WWOX: variants seen among roughly 807,000 people sequenced by gnomAD.
The protein encoded by WWOX is WW domain-containing oxidoreductase.
In WWOX, 69 loss-of-function variants were observed where a neutral mutation model predicts 46.2. The ratio of observed to expected loss-of-function variants is 1.49; its 90% CI spans 1.23 to 1.82. WWOX has a LOEUF of 1.82. Among genes scored for constraint, WWOX ranks in the 40% most tolerant of loss-of-function variants. The pLI is 0.00. For missense variants in WWOX, 919 were observed against 542.6 expected (o/e 1.69, Z -6.89); for synonymous variants, 359 against 202.6 (o/e 1.77, Z -6.56).
At chr16:78,873,378 A>AT (rs201022390) in intron 8 of WWOX, 30 of 150,502 alleles carry the variant, frequency 2.0e-4, no homozygotes, top group Non-Finnish European at 3.3e-4. Context: ...CCTTATGCTG[A>AT]TTTTTTTTTT....
chr16:78,712,489 A>T (rs997908833), intron 8 of WWOX, among the ~76,000 whole-genome samples: 1 of 151,662 alleles, frequency 6.6e-6, no homozygotes, highest in African/African-American at 2.4e-5. Context: ...TGACAGAGTG[A>T]GACTCCATCT....
At chr16:78,680,699 A>C (rs1378559933) in intron 8 of WWOX, among the ~76,000 whole-genome samples, 1 of 152,220 alleles carries the variant, frequency 6.6e-6, no homozygotes, top group East Asian at 1.9e-4. Flanking sequence ...AGTGGCTCCC[A>C]CTGTGGGTAG....
Position 78,989,894 on chromosome 16 carries a change from C to G in WWOX, c.1057-221714C>G, listed in dbSNP as rs576793673. Among the ~76,000 whole-genome samples the G allele has an allele frequency of 2.7e-5, 4 of 147,058 alleles. No homozygotes were observed. The South Asian group carries it at 6.6e-4, about 24-fold the overall frequency. On this transcript the variant is annotated intron_variant, in intron 8 of 8. Coordinates refer to ENST00000566780, the MANE Select transcript of WWOX (RefSeq NM_016373.4). ...AGAGACAGATGGAGGGAAAGAGAGG[C>G]GGGGGATTCCAGGTACAGTGGCTCA...
chr16:78,851,702 T>C (rs1224289260), intron 8 of WWOX, among the ~76,000 whole-genome samples: 1 of 152,180 alleles, frequency 6.6e-6, no homozygotes, highest in East Asian at 1.9e-4. Flanking sequence ...ACTCCAAATA[T>C]AAAACAATTT....
At chr16:79,134,697 G>T (rs1053914520) in intron 8 of WWOX, among the ~76,000 whole-genome samples, 2 of 152,172 alleles carry the variant, frequency 1.3e-5, no homozygotes, top group African/African-American at 4.8e-5. Flanking sequence ...TTATAGACAT[G>T]TCATGAAGGG....
chr16:78,586,459 G>T (rs1422887858), intron 8 of WWOX, among the ~76,000 whole-genome samples: 1 of 151,972 alleles, frequency 6.6e-6, no homozygotes, highest in Admixed American at 6.6e-5. Context: ...AATTCTATTT[G>T]TCATCCTCTG....
intron 6 of WWOX, among the ~76,000 whole-genome samples, chr16:78,395,671 GAA>G (rs1301709970): frequency 6.6e-6 from 1 of 152,168 alleles, no homozygotes; most frequent in Non-Finnish European, 1.5e-5. Context: ...AGAGCCAAGA[GAA>G]ATTATTGTTA....
chr16:78,494,175 A>G (rs564161421), intron 8 of WWOX, among the ~76,000 whole-genome samples: 57 of 152,314 alleles, frequency 3.7e-4, no homozygotes, highest in Non-Finnish European at 6.9e-4. Context: ...ATGCTTTTAA[A>G]CAAACAGATC....
intron 8 of WWOX, among the ~76,000 whole-genome samples, chr16:78,635,433 A>G (rs1250779806): frequency 6.6e-6 from 1 of 152,104 alleles, no homozygotes; most frequent in Admixed American, 6.6e-5. Flanking sequence ...GTTGTCCTTG[A>G]CTGGGCAAGA....
At chr16:79,165,441 T>G (rs993976126) in intron 8 of WWOX, among the ~76,000 whole-genome samples, 1 of 152,242 alleles carries the variant, frequency 6.6e-6, no homozygotes, top group Admixed American at 6.5e-5. Context: ...GGTAGCATAT[T>G]GCTTCATAAA....
At chr16:78,189,220 A>C (rs899932157) in intron 5 of WWOX, among the ~76,000 whole-genome samples, 1 of 152,158 alleles carries the variant, frequency 6.6e-6, no homozygotes, top group East Asian at 1.9e-4. Context: ...GGCATGGGGC[A>C]CATTGTGACA....
At chr16:79,192,953 C>T (rs2051166276) in intron 8 of WWOX, among the ~76,000 whole-genome samples, 1 of 152,182 alleles carries the variant, frequency 6.6e-6, no homozygotes, top group Non-Finnish European at 1.5e-5. Flanking sequence ...AAGGAAGGGC[C>T]TCGTTTTACT....
chr16:78,521,258 T>C (rs946947384), intron 8 of WWOX, among the ~76,000 whole-genome samples: 1 of 152,202 alleles, frequency 6.6e-6, no homozygotes. Context: ...GATCTTGCTG[T>C]GTTGCCCAGG....
At chr16:79,174,005 T>G (rs962019859) in intron 8 of WWOX, among the ~76,000 whole-genome samples, 1 of 152,208 alleles carries the variant, frequency 6.6e-6, no homozygotes, top group Non-Finnish European at 1.5e-5. Flanking sequence ...TGGCAGCTTA[T>G]AAACTGGCAG....
In WWOX at chr16:78,101,082, C is replaced by G. The variant is rs529000719; in HGVS notation, c.107+1197C>G. 2.0e-5 allele frequency among the ~76,000 whole-genome samples: 3 copies of G among 151,384 alleles called. No individual in the cohort carries two copies. The East Asian group carries it at 5.8e-4, about 30-fold the overall frequency. ...TTTTCTTTTGAGACGGAGTCTTGCT[C>G]TGTCGCCCAGGCTGGAGTGCAGCGG... On this transcript the variant is annotated intron_variant, in intron 1 of 8. Transcript: ENST00000566780.
At chr16:78,559,061 A>C (rs998019805) in intron 8 of WWOX, among the ~76,000 whole-genome samples, 1 of 152,228 alleles carries the variant, frequency 6.6e-6, no homozygotes, top group South Asian at 2.1e-4. Context: ...GGAAGGACAC[A>C]TAGTTCCGTC....
chr16:78,432,294 T>A (rs1015792470), intron 7 of WWOX, among the ~76,000 whole-genome samples, 194 bp from the exon 8 acceptor site: 1 of 152,050 alleles, frequency 6.6e-6, no homozygotes, highest in Non-Finnish European at 1.5e-5. Flanking sequence ...TTAGTAGAGA[T>A]GGCATTTTGC....
chr16:78,255,977 C>G (rs1255623588), intron 5 of WWOX, among the ~76,000 whole-genome samples: 1 of 151,616 alleles, frequency 6.6e-6, no homozygotes, highest in African/African-American at 2.4e-5. Context: ...TGGTGAAACC[C>G]CATCTCTATT....
chr16:78,552,439 ATCCAGCTC>A (rs1231724898), intron 8 of WWOX: 2 of 152,222 alleles, frequency 1.3e-5, no homozygotes, highest in Non-Finnish European at 2.9e-5. Context: ...CAGTTTTGTA[ATCCAGCTC>A]CATGCTGGAT....
Sources: gnomAD v4.1 joint callset for allele counts (sites outside exome capture counted in the v4.1 genomes callset) on GRCh38, gnomAD v4.1.1 for gene constraint, MANE v1.5 for transcripts, NCBI Gene and HGNC (gene_info 2026-07-23, HGNC 2026-07-21) for gene names.